The following ATP6V1A variants were observed in gnomAD, a reference collection of about 807,000 sequenced individuals.
ATP6V1A encodes the protein ATPase H+ transporting V1 subunit A, also known as V-type proton ATPase catalytic subunit A.
Under a neutral mutation model 70.1 loss-of-function variants are expected in ATP6V1A, and 18 were observed. That is an observed-to-expected ratio of 0.26 (90% CI 0.18 to 0.38). The LOEUF (loss-of-function observed/expected upper bound fraction) is 0.38. Among genes scored for constraint, ATP6V1A ranks in the 10% least tolerant of loss-of-function variants. ATP6V1A has a pLI of 1.00. For missense variants in ATP6V1A, 424 were observed against 772.4 expected (o/e 0.55, Z 5.35); for synonymous variants, 232 against 253.8 (o/e 0.91, Z 0.82).
intron 2 of ATP6V1A, among the ~76,000 whole-genome samples, chr3:113,780,235 G>A (rs111947602): frequency 1.3e-5 from 2 of 152,252 alleles, no homozygotes; most frequent in African/African-American, 4.8e-5. Context: ...AGCTTTAATA[G>A]TTTCCACTGA....
intron 1 of ATP6V1A, among the ~76,000 whole-genome samples, chr3:113,760,121 C>T (rs2108011453): frequency 6.6e-6 from 1 of 152,264 alleles, no homozygotes; most frequent in East Asian, 1.9e-4. Context: ...TAAATAAACC[C>T]TGGTTGTTAA....
In ATP6V1A at chr3:113,810,842, ATTAC is replaced by A. The variant is rs1709334348; in HGVS notation, c.*1418_*1421del. On this transcript the variant is annotated 3_prime_UTR_variant, in exon 15 of 15. Transcript: ENST00000273398. ...AGCCAGTTGACCAATCATAGAAAGT[ATTAC>A]TTTCTTTCATATGGTTTTTGGTTCA... 1 of 152,180 alleles carries A rather than the reference ATTAC, an allele frequency of 6.6e-6. No homozygotes were observed. The highest frequency in any genetic ancestry group is 2.1e-4 in the South Asian group (1 of 4,832). The allele number at this position is 152,180 out of a possible 1,614,324, so 9.4% of individuals were successfully genotyped here.
At chr3:113,773,869 A>G (rs767339233) in intron 1 of ATP6V1A, among the ~76,000 whole-genome samples, 2 of 152,182 alleles carry the variant, frequency 1.3e-5, no homozygotes, top group Non-Finnish European at 2.9e-5. Context: ...AAGAGAGCAC[A>G]TATGTCACCT....
At chr3:113,802,870 C>T (rs539795624) in intron 12 of ATP6V1A, 3 of 151,780 alleles carry the variant, frequency 2.0e-5, no homozygotes, top group Admixed American at 6.6e-5. Context: ...ACCATGTTGC[C>T]CAAGCTGGTC....
At chr3:113,784,504 T>C (rs912676156) in intron 4 of ATP6V1A, 66 bp downstream of exon 4, 19 of 1,474,496 alleles carry the variant, frequency 1.3e-5, no homozygotes, top group Non-Finnish European at 1.8e-5. Context: ...TTTAGTAAAC[T>C]ACATTGTACT....
chr3:113,771,446 T>C (rs1708839771), intron 1 of ATP6V1A, among the ~76,000 whole-genome samples: 1 of 145,028 alleles, frequency 6.9e-6, no homozygotes, highest in African/African-American at 2.6e-5. Context: ...TTTTTTTTTT[T>C]TTTTTTTTTG....
intron 1 of ATP6V1A, among the ~76,000 whole-genome samples, chr3:113,777,525 G>T (rs1241671708): frequency 1.3e-5 from 2 of 152,136 alleles, no homozygotes; most frequent in Admixed American, 6.5e-5. Flanking sequence ...GGAGGCCAAG[G>T]CCAGAGAATC....
chr3:113,775,939 G>C (rs1225270233), intron 1 of ATP6V1A, among the ~76,000 whole-genome samples: 1 of 152,056 alleles, frequency 6.6e-6, no homozygotes, highest in African/African-American at 2.4e-5. Flanking sequence ...TCTTCTTTCT[G>C]TTTTCCCCCG....
chr3:113,767,643 A>G (rs1291528095), intron 1 of ATP6V1A, among the ~76,000 whole-genome samples: 2 of 151,902 alleles, frequency 1.3e-5, no homozygotes, highest in Non-Finnish European at 2.9e-5. Context: ...TAAAAATTTG[A>G]AGGGAAAGGA....
At chr3:113,784,552 T>G (rs1424809455) in intron 4 of ATP6V1A, 114 bp downstream of exon 4, 1 of 1,388,716 alleles carries the variant, frequency 7.2e-7, no homozygotes, top group Non-Finnish European at 9.8e-7. Context: ...AAGGATAGTT[T>G]AAAGTTTTTC....
At chr3:113,772,662 A>G (rs1312653375) in intron 1 of ATP6V1A, among the ~76,000 whole-genome samples, 2 of 150,764 alleles carry the variant, frequency 1.3e-5, no homozygotes, top group Admixed American at 1.3e-4. Context: ...TGGGAGGCGG[A>G]GCTTGCAGTG....
At chr3:113,757,145 A>C (rs1369792689) in intron 1 of ATP6V1A, among the ~76,000 whole-genome samples, 1 of 152,174 alleles carries the variant, frequency 6.6e-6, no homozygotes, top group Admixed American at 6.5e-5. Flanking sequence ...TAAAATACAG[A>C]ATCTTCTCAG....
At chr3:113,751,437 TAA>T (rs1011342408) in intron 1 of ATP6V1A, among the ~76,000 whole-genome samples, 2 of 151,900 alleles carry the variant, frequency 1.3e-5, no homozygotes, top group Non-Finnish European at 1.5e-5. Context: ...AAGATTTTAT[TAA>T]GTTTATTGAC....
rs183257386 is a variant in ATP6V1A at position 113,755,834 on chromosome 3, A to C, written c.-14+8721A>C. 2.2e-4 allele frequency among the ~76,000 whole-genome samples: 33 copies of C among 152,254 alleles called. No homozygotes were observed. In the South Asian group the frequency reaches 6.6e-3, roughly 31 times the overall value. ...TTCTTCCCCCATATATTTATCCACA[A>C]ATGGTAGCACCTCTTCGTATTATTC... On this transcript the variant is annotated intron_variant, in intron 1 of 14. Transcript: ENST00000273398.
intron 1 of ATP6V1A, among the ~76,000 whole-genome samples, chr3:113,767,737 C>T (rs932281161): frequency 6.6e-6 from 1 of 151,850 alleles, no homozygotes; most frequent in Non-Finnish European, 1.5e-5. Flanking sequence ...CTGCAACCTC[C>T]GCCTCCTGGG....
chr3:113,780,964 G>GGGTTTA, intron 2 of ATP6V1A, 86 bp from the exon 3 acceptor site: 2 of 1,482,464 alleles, frequency 1.3e-6, no homozygotes, highest in Non-Finnish European at 1.8e-6. Context: ...GCACAATACT[G>GGGTTTA]GGTTTATTGG....
In ATP6V1A at chr3:113,798,321, T is replaced by C; in HGVS notation, c.1369T>C (p.Tyr457His). The change falls in exon 12 of 15, where the codon TAT (tyrosine) becomes CAT (histidine). Residue 457 changes from tyrosine to histidine, a missense_variant. Around this residue, in one of 9 missense-constraint regions of ATP6V1A, gnomAD observed 127 missense variants for 207.9 expected, o/e 0.61. Transcript: ENST00000273398. ...CAATTGGCTCATCAGCTACAGCAAGTATATGCGTGCCTTGGATGAATACTA... is the reference window on the plus strand; with the variant it reads ...CAATTGGCTCATCAGCTACAGCAAGCATATGCGTGCCTTGGATGAATACTA... ...SVNWLISYSK[Y>H]MRALDEYYDK... The C allele has an allele frequency of 6.2e-7, 1 of 1,613,990 alleles. No homozygotes were observed. The highest frequency in any genetic ancestry group is 8.5e-7 in the Non-Finnish European group (1 of 1,179,998).
At chr3:113,778,010 T>C (rs1559754233) in intron 1 of ATP6V1A, among the ~76,000 whole-genome samples, 1 of 152,188 alleles carries the variant, frequency 6.6e-6, no homozygotes, top group Non-Finnish European at 1.5e-5. Flanking sequence ...GTTATCGATA[T>C]TTCCTATGAA....
At chr3:113,749,907 G>C (rs961372546) in intron 1 of ATP6V1A, among the ~76,000 whole-genome samples, 2 of 152,140 alleles carry the variant, frequency 1.3e-5, no homozygotes, top group Non-Finnish European at 2.9e-5. Flanking sequence ...AAAAACCTCA[G>C]ATGGACTTTA....
Sources: allele counts gnomAD v4.1 joint callset (sites outside exome capture counted in the v4.1 genomes callset), GRCh38; gene constraint gnomAD v4.1.1; regional missense constraint gnomAD v4.1.1; transcripts MANE v1.5; gene names NCBI Gene and HGNC (gene_info 2026-07-23, HGNC 2026-07-21).